HAGH: variants seen among roughly 807,000 people sequenced by gnomAD.
HAGH encodes the protein hydroxyacylglutathione hydrolase, also known as hydroxyacylglutathione hydrolase, mitochondrial.
In HAGH, 29 loss-of-function variants were observed where a neutral mutation model predicts 35.1. That is an observed-to-expected ratio of 0.83 (90% CI 0.62 to 1.13). The LOEUF (loss-of-function observed/expected upper bound fraction) is 1.13, where lower values mean the gene tolerates loss of function less well. Ranked by LOEUF, HAGH falls within the 50% of genes most tolerant of loss-of-function variation. HAGH has a pLI of 0.00. For missense variants in HAGH, 478 were observed against 419.6 expected (o/e 1.14, Z -1.22); for synonymous variants, 225 against 176.1 (o/e 1.28, Z -2.20).
At position 1,809,256 on chromosome 16, in the gene HAGH, C is replaced by A; in HGVS notation, c.*27G>T. ...CAGTTACCTAAAAGAGCCTAATCCC[C>A]AAATCCGCTGAAGGTGCAGGGCGGC... On this transcript the variant is annotated 3_prime_UTR_variant, in exon 9 of 9. Transcript: ENST00000397356. 6.6e-7 allele frequency: 1 copy of A among 1,511,456 alleles called. No homozygotes were observed. Among genetic ancestry groups the A allele is most frequent in the South Asian group, 1.2e-5 (1 of 86,410 alleles). 93.6% of individuals were successfully genotyped at this position (1,511,456 alleles called of 1,614,324 possible). A position where few individuals can be genotyped will look rare whatever the true frequency, so the allele number is the denominator to read the frequency against.
At chr16:1,827,132 G>T, upstream of HAGH, 1 of 1,463,630 alleles carries the variant, frequency 6.8e-7, no homozygotes, top group South Asian at 1.3e-5. Flanking sequence ...GGAACGGGCC[G>T]TCGCTGCGGG....
rs927955087 is a variant in HAGH, at chr16:1,823,095, G to A, written c.77-58C>T. On this transcript the variant is annotated intron_variant, in intron 1 of 8. Transcript: ENST00000397356. ...CGCGCCAGGCCCTCCACGACAGGACGCGCAAGCTGCAGTGCTTCCCAGCCT... is the reference window on the plus strand; with the variant it reads ...CGCGCCAGGCCCTCCACGACAGGACACGCAAGCTGCAGTGCTTCCCAGCCT... 23 of 1,460,692 alleles carry A rather than the reference G, an allele frequency of 1.6e-5. 1 individual carries two copies. The highest frequency in any genetic ancestry group is 4.6e-5 in the South Asian group (4 of 87,546). The allele number at this position is 1,460,692 out of a possible 1,614,324, so 90.5% of individuals were successfully genotyped here. A position where few individuals can be genotyped will look rare whatever the true frequency, so the allele number is the denominator to read the frequency against.
intron 5 of HAGH, chr16:1,818,416 A>G (rs373755649): frequency 1.6e-4 from 24 of 152,098 alleles, no homozygotes; most frequent in East Asian, 1.2e-3. Flanking sequence ...TTCTCCCTGC[A>G]CCCCTGGTTT....
chr16:1,817,422 C>T (rs1040538484), intron 5 of HAGH, 151 bp from the exon 6 acceptor site: 3 of 647,396 alleles, frequency 4.6e-6, no homozygotes, highest in African/African-American at 1.8e-5. Flanking sequence ...CTCAGCCCCC[C>T]TGCATTCCGG....
At chr16:1,812,922 G>A (rs1596914596) in intron 7 of HAGH, among the ~76,000 whole-genome samples, 2 of 152,298 alleles carry the variant, frequency 1.3e-5, no homozygotes, top group African/African-American at 2.4e-5. Flanking sequence ...CGGACCAGCT[G>A]GTGTGCCCAC....
At chr16:1,810,285 G>A (rs961218124) in intron 7 of HAGH, 9 of 166,260 alleles carry the variant, frequency 5.4e-5, no homozygotes, top group Admixed American at 1.8e-4. Context: ...GCCAGCGTCC[G>A]GGATGAGCCA....
Position 1,826,808 on chromosome 16 carries a change from G to A in HAGH, c.-21C>T. The A allele has an allele frequency of 2.5e-6, 3 of 1,217,738 alleles. No individual in the cohort carries two copies. Among genetic ancestry groups the A allele is most frequent in the Non-Finnish European group, 3.1e-6 (3 of 974,668 alleles). The allele number at this position is 1,217,738 out of a possible 1,614,324, so 75.4% of individuals were successfully genotyped here. A position where few individuals can be genotyped will look rare whatever the true frequency, so the allele number is the denominator to read the frequency against. On this transcript the variant is annotated 5_prime_UTR_variant, in exon 1 of 9. Transcript: ENST00000397356. The stretch of plus-strand genomic sequence containing the variant: ...ACCATGACCCGGGCCGGGCTGGACT[G>A]CCGAGCTGCCCAGGACTGCAAAACA...
chr16:1,811,583 C>T (rs769321579), intron 7 of HAGH, among the ~76,000 whole-genome samples: 3 of 151,588 alleles, frequency 2.0e-5, no homozygotes, highest in African/African-American at 4.9e-5. Context: ...CGTGGTGGCA[C>T]ATGTCTGTAA....
chr16:1,814,950 CACACACATATAT>C (rs1897827825), intron 7 of HAGH, among the ~76,000 whole-genome samples: 1 of 126,476 alleles, frequency 7.9e-6, no homozygotes, highest in African/African-American at 3.4e-5. Context: ...CACACACACA[CACACACATATAT>C]ATATATATCT....
rs573567318 is a variant in HAGH, at chr16:1,809,848, C to T, written c.748-15G>A. 1.2e-5 allele frequency: 19 copies of T among 1,604,412 alleles called. No individual in the cohort carries two copies. Among genetic ancestry groups the T allele is most frequent in the African/African-American group, 4.0e-5 (3 of 74,692 alleles). ...CTGTACTTCTCCTGCAAGAGAAACG[C>T]ACCACTTTATCACGGGAACTTCACA... On this transcript the variant is annotated splice_polypyrimidine_tract_variant and intron_variant, in intron 7 of 8. Coordinates refer to ENST00000397356, the MANE Select transcript of HAGH (RefSeq NM_005326.6).
At chr16:1,817,104 G>T in intron 6 of HAGH, 64 bp downstream of exon 6, 1 of 1,344,898 alleles carries the variant, frequency 7.4e-7, no homozygotes, top group South Asian at 1.2e-5. Flanking sequence ...GGTGCCAGGA[G>T]GGAGAGCAGC....
chr16:1,827,036 G>A, upstream of HAGH: 1 of 769,062 alleles, frequency 1.3e-6, no homozygotes, highest in Non-Finnish European at 2.0e-6. Context: ...GCTGTGCCGC[G>A]AGCCTCCGCC....
chr16:1,823,959 G>C (rs1286340194), intron 1 of HAGH, among the ~76,000 whole-genome samples: 2 of 152,122 alleles, frequency 1.3e-5, no homozygotes, highest in African/African-American at 4.8e-5. Context: ...CCCGGACTCA[G>C]GGACAGAATG....
chr16:1,824,666 C>T (rs573720083), intron 1 of HAGH, among the ~76,000 whole-genome samples: 205 of 152,264 alleles, frequency 1.3e-3, no homozygotes, highest in South Asian at 7.5e-3. Flanking sequence ...GACAGACACA[C>T]GCGTCTCCAG....
At chr16:1,826,499 C>T in intron 1 of HAGH, 1 of 963,524 alleles carries the variant, frequency 1.0e-6, no homozygotes, top group Non-Finnish European at 1.2e-6. Context: ...AGGCCTGGCC[C>T]TGCTTACCTA....
chr16:1,813,772 G>C (rs1367108491), intron 7 of HAGH, among the ~76,000 whole-genome samples: 1 of 152,186 alleles, frequency 6.6e-6, no homozygotes, highest in Non-Finnish European at 1.5e-5. Flanking sequence ...AAGAACACTG[G>C]AGGATTCACA....
intron 7 of HAGH, among the ~76,000 whole-genome samples, chr16:1,814,631 G>A (rs1204230645): frequency 6.6e-6 from 1 of 152,190 alleles, no homozygotes; most frequent in African/African-American, 2.4e-5. Context: ...TGGGCGTGGT[G>A]GGTCACGCCT....
chr16:1,826,664 C>T, intron 1 of HAGH, 48 bp downstream of exon 1: 1 of 967,308 alleles, frequency 1.0e-6, no homozygotes, highest in African/African-American at 1.8e-5. Context: ...CCGCTGCCCG[C>T]CCCGCCAGGC....
In HAGH at chr16:1,807,958, C is replaced by T. The variant is rs925952451; in HGVS notation, c.*1325G>A. 2.0e-5 allele frequency: 3 copies of T among 152,252 alleles called. No homozygotes were observed. In the East Asian group the frequency reaches 5.8e-4, roughly 29 times the overall value. The allele number at this position is 152,252 out of a possible 1,614,324, so 9.4% of individuals were successfully genotyped here. On this transcript the variant is annotated 3_prime_UTR_variant, in exon 9 of 9. Transcript: ENST00000397356. ...ACTCAGAAGAGTCTGTCTATAGGAC[C>T]AGGTGGCAGAGGGTGTGGGCCCCAC...
Sources: allele counts gnomAD v4.1 joint callset (sites outside exome capture counted in the v4.1 genomes callset), GRCh38; gene constraint gnomAD v4.1.1; transcripts MANE v1.5; gene names NCBI Gene and HGNC (gene_info 2026-07-23, HGNC 2026-07-21).